LRRC37A2: variants seen among roughly 807,000 people sequenced by gnomAD.
LRRC37A2 encodes the protein leucine-rich repeat-containing protein 37A2.
In LRRC37A2, 9 loss-of-function variants were observed where a neutral mutation model predicts 68.8. The ratio of observed to expected loss-of-function variants is 0.13; its 90% confidence interval spans 0.08 to 0.23. The LOEUF is 0.23. Among genes scored for constraint, LRRC37A2 ranks in the 10% least tolerant of loss-of-function variants. The pLI, the probability that LRRC37A2 is intolerant of heterozygous loss-of-function variation, is 1.00. For synonymous variants in LRRC37A2, 63 were observed against 367.6 expected, an observed-to-expected ratio of 0.17 and a Z score of 9.48; for missense variants, 168 against 950.4, an observed-to-expected ratio of 0.18 and a Z score of 10.82.
the LRRC37A2 span, among the ~76,000 whole-genome samples, chr17:47,031,016 T>A: frequency 2.6e-5 from 4 of 151,832 alleles, no homozygotes; most frequent in Admixed American, 1.3e-4. Context: ...ATAATTTTTT[T>A]AATGTTTTTA....
the LRRC37A2 span, chr17:46,930,807 T>C: frequency 5.6e-6 from 2 of 360,310 alleles, no homozygotes; most frequent in Non-Finnish European, 1.0e-5. Context: ...GGACAACCTT[T>C]GCATGTTTAT....
chr17:46,802,369 G>A, the LRRC37A2 span, among the ~76,000 whole-genome samples: 8 of 152,164 alleles, frequency 5.3e-5, no homozygotes, highest in Non-Finnish European at 8.8e-5. Flanking sequence ...GGGTTCAAGC[G>A]ATTCTCCTGC....
At chr17:46,956,274 GTCCTT>G in the LRRC37A2 span, among the ~76,000 whole-genome samples, 2 of 126,098 alleles carry the variant, frequency 1.6e-5, no homozygotes, top group Admixed American at 1.9e-4. Context: ...TGCCTTGCCA[GTCCTT>G]TTTTTTTTTT....
At chr17:46,835,531 G>A in the LRRC37A2 span, among the ~76,000 whole-genome samples, 107 of 152,292 alleles carry the variant, frequency 7.0e-4, 1 homozygote, top group Non-Finnish European at 1.4e-3. Flanking sequence ...TATTCTTAAT[G>A]AGGTGACCAT....
chr17:46,568,923 A>C, the LRRC37A2 span, among the ~76,000 whole-genome samples: 1 of 132,168 alleles, frequency 7.6e-6, no homozygotes, highest in African/African-American at 2.9e-5. Flanking sequence ...AAGATGTAGA[A>C]AGGATACTTT....
the LRRC37A2 span, among the ~76,000 whole-genome samples, chr17:46,984,802 A>G: frequency 6.6e-6 from 1 of 152,256 alleles, no homozygotes; most frequent in Non-Finnish European, 1.5e-5. Flanking sequence ...TGTTCTTTGT[A>G]TGAGCCATTT....
chr17:47,014,671 G>A, the LRRC37A2 span, among the ~76,000 whole-genome samples: 5 of 151,770 alleles, frequency 3.3e-5, no homozygotes, highest in Non-Finnish European at 7.4e-5. Context: ...GTCTCCCCCC[G>A]CTCCAGGAGT....
At chr17:46,876,626 G>A in the LRRC37A2 span, 1 of 1,610,394 alleles carries the variant, frequency 6.2e-7, no homozygotes, top group Non-Finnish European at 8.5e-7. Flanking sequence ...CCGCCTGGTG[G>A]CCTTCTCCTG....
the LRRC37A2 span, among the ~76,000 whole-genome samples, chr17:46,389,008 C>T: frequency 1.3e-5 from 1 of 79,088 alleles, no homozygotes; most frequent in Admixed American, 1.2e-4. Context: ...CCACCCTGGC[C>T]AACACGGCCA....
the LRRC37A2 span, chr17:46,773,694 G>T: frequency 6.2e-7 from 1 of 1,610,838 alleles, no homozygotes; most frequent in Non-Finnish European, 8.5e-7. Context: ...CCCAAAGATG[G>T]CCAGGCTGTC....
the LRRC37A2 span, among the ~76,000 whole-genome samples, chr17:46,691,764 T>C: frequency 1.7e-4 from 26 of 151,686 alleles, no homozygotes; most frequent in Non-Finnish European, 2.9e-4. Flanking sequence ...TAGTATTTTT[T>C]GTTTTTGAGA....
At chr17:46,929,389 A>G in the LRRC37A2 span, 1 of 703,150 alleles carries the variant, frequency 1.4e-6, no homozygotes, top group Non-Finnish European at 2.6e-6. Flanking sequence ...AGTGCCACAT[A>G]CAAATTTTAC....
chr17:46,811,014 T>C, the LRRC37A2 span, among the ~76,000 whole-genome samples: 2 of 152,020 alleles, frequency 1.3e-5, no homozygotes, highest in Non-Finnish European at 2.9e-5. Flanking sequence ...TCCACACACA[T>C]AATGAGGCCA....
the LRRC37A2 span, among the ~76,000 whole-genome samples, chr17:46,732,644 G>T: frequency 1.3e-5 from 2 of 152,242 alleles, no homozygotes; most frequent in South Asian, 2.1e-4. Context: ...TCTGCAGTTC[G>T]TGAAGAGTGA....
At chr17:46,729,646 C>T in the LRRC37A2 span, among the ~76,000 whole-genome samples, 2 of 152,022 alleles carry the variant, frequency 1.3e-5, no homozygotes, top group African/African-American at 2.4e-5. Context: ...TGAAAAATGC[C>T]AATCAAAGGC....
At chr17:46,390,496 T>C in the LRRC37A2 span, among the ~76,000 whole-genome samples, 1 of 112,380 alleles carries the variant, frequency 8.9e-6, no homozygotes. Context: ...GAGACCATCC[T>C]GGCTAACACA....
chr17:46,853,089 C>G, the LRRC37A2 span, among the ~76,000 whole-genome samples: 1 of 152,160 alleles, frequency 6.6e-6, no homozygotes, highest in Non-Finnish European at 1.5e-5. Context: ...CAGTGCACAA[C>G]TTGTTTGTTT....
chr17:46,493,137 G>C, the LRRC37A2 span, among the ~76,000 whole-genome samples: 2 of 127,660 alleles, frequency 1.6e-5, no homozygotes, highest in Non-Finnish European at 3.1e-5. Flanking sequence ...GTATATCATT[G>C]TTTATGGAAA....
At chr17:46,711,916 A>G in the LRRC37A2 span, among the ~76,000 whole-genome samples, 1 of 152,158 alleles carries the variant, frequency 6.6e-6, no homozygotes, top group African/African-American at 2.4e-5. Context: ...AGAAAGGGAG[A>G]TTATCCTGAC....
Sources: allele counts gnomAD v4.1 joint callset (sites outside exome capture counted in the v4.1 genomes callset), GRCh38; gene constraint gnomAD v4.1.1; transcripts MANE v1.5; gene names NCBI Gene and HGNC (gene_info 2026-07-23, HGNC 2026-07-21).